Variants in CERS3 observed in about 807,000 individuals in gnomAD.
CERS3 encodes LAG1 homolog, ceramide synthase 3.
Under a neutral mutation model 50.3 loss-of-function variants are expected in CERS3, and 33 were observed. The observed-to-expected ratio is 0.66, with a 90% CI of 0.50 to 0.88. The LOEUF (loss-of-function observed/expected upper bound fraction) is 0.88. Among genes scored for constraint, CERS3 ranks in the 40% least tolerant of loss-of-function variants. The probability of loss-of-function intolerance (pLI) is 0.00; values close to 1 mark genes in which losing one functional copy is unlikely to be tolerated. For missense variants in CERS3, 470 were observed against 460.3 expected (o/e 1.02, Z -0.19); for synonymous variants, 176 against 155.2 (o/e 1.13, Z -0.99).
rs5004536 is a variant in CERS3 at position 100,502,271 on chromosome 15, G to A, written c.-1-421C>T. On this transcript the variant is annotated intron_variant, in intron 2 of 11. Transcript: ENST00000679737. ...AAAAAGAAAAAAAAAAAAAAAAAAA[G>A]AAAGAAAGAAAGAAAGAAAATAAGG... 8.8e-3 allele frequency among the ~76,000 whole-genome samples: 1,015 copies of A among 115,404 alleles called. 12 individuals are homozygous for A. Among genetic ancestry groups the A allele is most frequent in the Non-Finnish European group, 0.014 (740 of 53,222 alleles). 75.7% of individuals were successfully genotyped at this position (115,404 alleles called of 152,430 possible).
intron 10 of CERS3, 88 bp downstream of exon 10, chr15:100,469,290 T>A: frequency 2.3e-6 from 2 of 880,560 alleles, no homozygotes; most frequent in Non-Finnish European, 3.7e-6. Context: ...GACCCACGTA[T>A]GGAAAGGGCA....
In CERS3 at chr15:100,444,567, A is replaced by G. The variant is rs576770518; in HGVS notation, c.999+11326T>C. On this transcript the variant is annotated intron_variant, in intron 11 of 11. Coordinates refer to ENST00000679737, the MANE Select transcript of CERS3 (RefSeq NM_001378789.1). ...AGTACAAGCCGCTAGCCCGCCTCTT[A>G]GAACCTCTCATTTCCTTTCCATCGT... 1.8e-4 allele frequency among the ~76,000 whole-genome samples: 28 copies of G among 152,314 alleles called. No individual in the cohort carries two copies. The South Asian group carries it at 5.6e-3, about 30-fold the overall frequency.
At chr15:100,523,282 C>A (rs546976123) in intron 1 of CERS3, among the ~76,000 whole-genome samples, 2 of 152,296 alleles carry the variant, frequency 1.3e-5, no homozygotes, top group Admixed American at 1.3e-4. Flanking sequence ...ATTTGCATGG[C>A]AAATGTCTCC....
chr15:100,533,316 C>T (rs910997834), upstream of CERS3, among the ~76,000 whole-genome samples: 4 of 152,130 alleles, frequency 2.6e-5, 1 homozygote, highest in African/African-American at 7.2e-5. Context: ...ACGGAATTTT[C>T]GTCTGCCGTG....
At chr15:100,415,342 T>G (rs549194024) in intron 11 of CERS3, among the ~76,000 whole-genome samples, 1 of 144,556 alleles carries the variant, frequency 6.9e-6, no homozygotes, top group Non-Finnish European at 1.5e-5. Flanking sequence ...AAATTAAACT[T>G]GCATTGGGAA....
chr15:100,506,468 CG>C lies in CERS3; in HGVS notation c.-1-4619del, dbSNP rs947901169. ...GGGTGTGAAGAAATCGGGACCCCCC[CG>C]CCGCCCCACACACACACACACCAGA... On this transcript the variant is annotated intron_variant, in intron 2 of 11. Transcript: ENST00000679737. 6.0e-3 allele frequency among the ~76,000 whole-genome samples: 102 copies of C among 17,024 alleles called. 12 individuals are homozygous for C. Among genetic ancestry groups the C allele is most frequent in the East Asian group, 0.02 (14 of 690 alleles). 11.2% of individuals were successfully genotyped at this position (17,024 alleles called of 152,430 possible).
At chr15:100,526,815 A>G (rs1220189398) in intron 1 of CERS3, among the ~76,000 whole-genome samples, 2 of 152,090 alleles carry the variant, frequency 1.3e-5, no homozygotes, top group South Asian at 2.1e-4. Flanking sequence ...AGGATCCAAC[A>G]TGTCAAGAGC....
Position 100,444,374 on chromosome 15 carries a change from C to T in CERS3, c.999+11519G>A, listed in dbSNP as rs943203478. Among the ~76,000 whole-genome samples, 5 of 3,892 alleles carry T rather than the reference C, an allele frequency of 1.3e-3. No individual in the cohort carries two copies. The Non-Finnish European group carries it at 0.12, about 97-fold the overall frequency. The allele number at this position is 3,892 out of a possible 152,430, so 2.6% of individuals were successfully genotyped here. On this transcript the variant is annotated intron_variant, in intron 11 of 11. Coordinates refer to ENST00000679737, the MANE Select transcript of CERS3 (RefSeq NM_001378789.1). ...TTCAATCCGGCCTCCCACATTATTC[C>T]GGATACACACCTGACCCCCATGACT...
At chr15:100,468,059 C>T (rs927650828) in intron 10 of CERS3, among the ~76,000 whole-genome samples, 2 of 151,508 alleles carry the variant, frequency 1.3e-5, no homozygotes, top group East Asian at 3.9e-4. Flanking sequence ...CTTGCTCAGT[C>T]AAAGTAAAAG....
chr15:100,414,301 C>T (rs1208489580), intron 11 of CERS3, among the ~76,000 whole-genome samples: 2 of 152,174 alleles, frequency 1.3e-5, no homozygotes, highest in Non-Finnish European at 2.9e-5. Context: ...AATGGAAAAA[C>T]ATTCCATGTT....
chr15:100,485,514 C>A (rs2035457692), intron 4 of CERS3, among the ~76,000 whole-genome samples: 1 of 152,176 alleles, frequency 6.6e-6, no homozygotes, highest in South Asian at 2.1e-4. Flanking sequence ...ACCTTCTCCA[C>A]GTCTACAAAG....
At chr15:100,500,277 T>C (rs2035957950) in intron 3 of CERS3, 1 of 152,094 alleles carries the variant, frequency 6.6e-6, no homozygotes, top group Admixed American at 6.6e-5. Context: ...TATAAGGAGA[T>C]AGAATAGAGA....
chr15:100,506,933 T>A (rs538325171), intron 2 of CERS3, among the ~76,000 whole-genome samples: 391 of 152,332 alleles, frequency 2.6e-3, no homozygotes, highest in Non-Finnish European at 4.2e-3. Flanking sequence ...GTGAATTGCA[T>A]GGTATGTAAA....
intron 1 of CERS3, 87 bp from the exon 2 acceptor site, chr15:100,521,843 G>C (rs2036648585): frequency 6.6e-6 from 1 of 152,142 alleles, no homozygotes; most frequent in Non-Finnish European, 1.5e-5. Context: ...TAAAACTTAA[G>C]TCAGAGTTTC....
intron 11 of CERS3, among the ~76,000 whole-genome samples, chr15:100,445,702 C>T (rs186119847): frequency 2.0e-5 from 3 of 152,280 alleles, no homozygotes; most frequent in African/African-American, 4.8e-5. Context: ...TGAGAAACAT[C>T]GCCCATTATA....
chr15:100,472,616 A>G (rs990018135), intron 9 of CERS3, among the ~76,000 whole-genome samples: 2 of 152,184 alleles, frequency 1.3e-5, no homozygotes, highest in African/African-American at 4.8e-5. Flanking sequence ...TTTTCCTTTT[A>G]GAAGATTAGA....
intron 5 of CERS3, among the ~76,000 whole-genome samples, chr15:100,483,804 A>G: frequency 1.0e-4 from 1 of 10,050 alleles, no homozygotes. Context: ...TTTTTGAGAC[A>G]GAGTCTTGCT....
intron 3 of CERS3, among the ~76,000 whole-genome samples, chr15:100,492,480 A>G (rs1287908224): frequency 6.6e-6 from 1 of 152,172 alleles, no homozygotes; most frequent in Non-Finnish European, 1.5e-5. Flanking sequence ...AACAATTCTG[A>G]AATCTATTAA....
rs1219394514 is a variant in CERS3, at chr15:100,401,208, T to C, written c.*1505A>G. ...AGTACGAGCCCCTGAATAAATAGGA[T>C]GAACATACAAAATCTGACCGTTATG... On this transcript the variant is annotated 3_prime_UTR_variant, in exon 12 of 12. Coordinates refer to ENST00000679737, the MANE Select transcript of CERS3 (RefSeq NM_001378789.1). 6.6e-6 allele frequency: 1 copy of C among 152,168 alleles called. No individual in the cohort carries two copies. The highest frequency in any genetic ancestry group is 2.4e-5 in the African/African-American group (1 of 41,438). The allele number at this position is 152,168 out of a possible 1,614,324, so 9.4% of individuals were successfully genotyped here. A position where few individuals can be genotyped will look rare whatever the true frequency, so the allele number is the denominator to read the frequency against.
Sources: allele counts gnomAD v4.1 joint callset (sites outside exome capture counted in the v4.1 genomes callset), GRCh38; gene constraint gnomAD v4.1.1; transcripts MANE v1.5; gene names NCBI Gene and HGNC (gene_info 2026-07-23, HGNC 2026-07-21).